HDGFL3: variants seen among roughly 807,000 people sequenced by gnomAD.
The protein encoded by HDGFL3 is HDGF like 3, also known as hepatoma-derived growth factor-related protein 3.
HDGFL3 carries 6 observed loss-of-function variants against 27.6 expected under a neutral mutation model. The observed-to-expected ratio is 0.22, with a 90% CI of 0.12 to 0.43. The LOEUF is 0.43. Ranked by LOEUF, HDGFL3 falls within the 20% of genes least tolerant of loss-of-function variation. The pLI, the probability that HDGFL3 is intolerant of heterozygous loss-of-function variation, is 1.00. For synonymous variants in HDGFL3, 88 were observed against 88.9 expected (o/e 0.99, Z 0.05); for missense variants, 207 against 250.1 (o/e 0.83, Z 1.16).
intron 3 of HDGFL3, among the ~76,000 whole-genome samples, chr15:83,119,082 T>A (rs1306599236): frequency 6.6e-6 from 1 of 152,160 alleles, no homozygotes; most frequent in Non-Finnish European, 1.5e-5. Context: ...AGCTCCGAGT[T>A]CGGTGCCTGC....
Position 83,142,704 on chromosome 15 carries a change from A to G in HDGFL3, c.607-3429T>C, listed in dbSNP as rs532716055. Among the ~76,000 whole-genome samples, 16 of 152,340 alleles carry G rather than the reference A, an allele frequency of 1.1e-4. No homozygotes were observed. In the East Asian group the frequency reaches 3.1e-3, roughly 29 times the overall value. On this transcript the variant is annotated intron_variant, in intron 5 of 5. Transcript: ENST00000299633. ...TAAGATACTCATATCACCATTTTTC[A>G]ATTAAATATCTGTATAATACCAGAT...
intron 5 of HDGFL3, among the ~76,000 whole-genome samples, chr15:83,143,714 G>A (rs1018137868): frequency 5.3e-5 from 8 of 152,138 alleles, no homozygotes; most frequent in East Asian, 1.9e-4. Flanking sequence ...AATAAGGAAC[G>A]CAGACTTAAT....
chr15:83,180,148 G>C (rs369835839), intron 1 of HDGFL3, among the ~76,000 whole-genome samples: 1 of 152,082 alleles, frequency 6.6e-6, no homozygotes, highest in African/African-American at 2.4e-5. Context: ...AAAGTGTCCT[G>C]ATTGACTCCG....
chr15:83,162,977 A>T (rs2037119747), intron 2 of HDGFL3, among the ~76,000 whole-genome samples: 1 of 152,024 alleles, frequency 6.6e-6, no homozygotes, highest in South Asian at 2.1e-4. Flanking sequence ...CCTATACTGA[A>T]TATTCCTTCC....
At chr15:83,123,306 C>T (rs538221064), downstream of HDGFL3, among the ~76,000 whole-genome samples, 2 of 152,266 alleles carry the variant, frequency 1.3e-5, no homozygotes, top group Admixed American at 6.5e-5. Flanking sequence ...GTCTACACAG[C>T]CATACAATCT....
At chr15:83,122,052 G>A in intron 3 of HDGFL3, 1 of 1,423,224 alleles carries the variant, frequency 7.0e-7, no homozygotes, top group Non-Finnish European at 9.8e-7. Context: ...AAACAATGGG[G>A]CTTGTTTTTA....
chr15:83,156,465 A>G (rs1763515962), intron 4 of HDGFL3, among the ~76,000 whole-genome samples: 1 of 152,212 alleles, frequency 6.6e-6, no homozygotes, highest in African/African-American at 2.4e-5. Flanking sequence ...GGTGTCTGGA[A>G]TAGACTAGGT....
At chr15:83,118,395 G>A (rs940992274) in intron 3 of HDGFL3, among the ~76,000 whole-genome samples, 5 of 152,216 alleles carry the variant, frequency 3.3e-5, no homozygotes, top group African/African-American at 4.8e-5. Context: ...TGCTCATCAA[G>A]CTACCAGGAG....
chr15:83,125,714 G>A (rs73455417), downstream of HDGFL3, among the ~76,000 whole-genome samples: 66 of 152,328 alleles, frequency 4.3e-4, 1 homozygote, highest in South Asian at 4.6e-3. Flanking sequence ...GTTGGCGCGC[G>A]TAACAGTTGG....
chr15:83,195,181 GT>G (rs1297913898), intron 1 of HDGFL3, among the ~76,000 whole-genome samples: 1 of 151,986 alleles, frequency 6.6e-6, no homozygotes, highest in African/African-American at 2.4e-5. Context: ...GCTCATTCTT[GT>G]TCATTTAGTC....
chr15:83,151,955 C>T (rs1422595807), intron 4 of HDGFL3, among the ~76,000 whole-genome samples: 7 of 152,176 alleles, frequency 4.6e-5, no homozygotes, highest in Non-Finnish European at 8.8e-5. Context: ...CCTTTTTCCT[C>T]GTCATCTTGC....
Position 83,198,054 on chromosome 15 carries a change from C to CAAAAAAAAAAAAAAAAAAAA in HDGFL3, c.84+9257_84+9276dup, listed in dbSNP as rs766372255. On this transcript the variant is annotated intron_variant, in intron 1 of 5. Transcript: ENST00000299633. Reference sequence around the variant, plus strand: ...GGGGTGACAGAGAGAGACTCCGTCTCAAAAAAAAAAAAAAAAAAAAGAAGC... The same window carrying CAAAAAAAAAAAAAAAAAAAA: ...GGGGTGACAGAGAGAGACTCCGTCTCAAAAAAAAAAAAAAAAAAAAAAAAAAAAAAAAAAAAAAAAGAAGC... 3.8e-4 allele frequency among the ~76,000 whole-genome samples: 22 copies of CAAAAAAAAAAAAAAAAAAAA among 57,594 alleles called. 2 individuals carry two copies. Among genetic ancestry groups the CAAAAAAAAAAAAAAAAAAAA allele is most frequent in the African/African-American group, 1.1e-3 (11 of 10,460 alleles). The allele number at this position is 57,594 out of a possible 152,430, so 37.8% of individuals were successfully genotyped here.
At chr15:83,191,253 G>A (rs1276473991) in intron 1 of HDGFL3, among the ~76,000 whole-genome samples, 1 of 152,102 alleles carries the variant, frequency 6.6e-6, no homozygotes, top group Non-Finnish European at 1.5e-5. Context: ...TGTTTTGGCT[G>A]TCTTTATACA....
intron 1 of HDGFL3, among the ~76,000 whole-genome samples, chr15:83,180,133 A>C (rs1407859811): frequency 1.3e-5 from 2 of 152,146 alleles, no homozygotes; most frequent in Non-Finnish European, 2.9e-5. Flanking sequence ...AAAATAGGGA[A>C]GACCAAAGTG....
chr15:83,206,683 G>A (rs1369364979), intron 1 of HDGFL3, among the ~76,000 whole-genome samples: 2 of 152,228 alleles, frequency 1.3e-5, no homozygotes, highest in Non-Finnish European at 2.9e-5. Flanking sequence ...GTCAGAGGTA[G>A]GCTGCAAGCT....
Position 83,140,480 on chromosome 15 carries a change from A to ACT in HDGFL3, c.607-1206_607-1205insAG, listed in dbSNP as rs772081760. Among the ~76,000 whole-genome samples, 180 of 111,022 alleles carry ACT rather than the reference A, an allele frequency of 1.6e-3. 1 individual carries two copies. Among genetic ancestry groups the ACT allele is most frequent in the African/African-American group, 2.4e-3 (74 of 30,636 alleles). The allele number at this position is 111,022 out of a possible 152,430, so 72.8% of individuals were successfully genotyped here. On this transcript the variant is annotated intron_variant, in intron 5 of 5. Transcript: ENST00000299633. The stretch of plus-strand genomic sequence containing the variant: ...GAAAAATTGTTAGTCAACCAAAGAA[A>ACT]GTTTTTTTTTTTTTTTTTTGAGACA...
Position 83,139,119 on chromosome 15 carries a change from G to T in HDGFL3, c.*151C>A. ...TGTCTTTTCCCCCCGAAACACAACA[G>T]AGAGGAATATGAATAATGTACATAC... On this transcript the variant is annotated 3_prime_UTR_variant, in exon 6 of 6. Coordinates refer to ENST00000299633, the MANE Select transcript of HDGFL3 (RefSeq NM_016073.4). The T allele has an allele frequency of 2.2e-6, 1 of 450,340 alleles. No homozygotes were observed. Among genetic ancestry groups the T allele is most frequent in the Non-Finnish European group, 4.0e-6 (1 of 251,332 alleles). The allele number at this position is 450,340 out of a possible 1,614,324, so 27.9% of individuals were successfully genotyped here. A position where few individuals can be genotyped will look rare whatever the true frequency, so the allele number is the denominator to read the frequency against.
chr15:83,180,533 TA>T (rs1420226971), intron 1 of HDGFL3, among the ~76,000 whole-genome samples: 17 of 151,214 alleles, frequency 1.1e-4, no homozygotes, highest in Non-Finnish European at 1.5e-5. Context: ...AAATTTACCA[TA>T]GGGGCAGAAG....
At chr15:83,122,372 A>G (rs887459159) in intron 3 of HDGFL3, among the ~76,000 whole-genome samples, 18 of 152,190 alleles carry the variant, frequency 1.2e-4, no homozygotes, top group Non-Finnish European at 5.9e-5. Flanking sequence ...TTATTAATGT[A>G]TGCAGGAAAT....
Sources: allele counts gnomAD v4.1 joint callset (sites outside exome capture counted in the v4.1 genomes callset), GRCh38; gene constraint gnomAD v4.1.1; transcripts MANE v1.5; gene names NCBI Gene and HGNC (gene_info 2026-07-23, HGNC 2026-07-21).